GOLGA1: variants seen among roughly 807,000 people sequenced by gnomAD.
The protein encoded by GOLGA1 is golgin subfamily A member 1.
GOLGA1 carries 63 observed loss-of-function variants against 119.7 expected under a neutral mutation model. That is an observed-to-expected ratio of 0.53 (90% CI 0.43 to 0.65). The LOEUF is 0.65. GOLGA1 is among the 30% of genes least tolerant of loss of function. The pLI is 0.00. For missense variants in GOLGA1, 798 were observed against 912.8 expected (o/e 0.87, Z 1.62); for synonymous variants, 318 against 333.4 (o/e 0.95, Z 0.50).
chr9:124,944,041 T>A (rs1280179862), upstream of GOLGA1: 1 of 152,214 alleles, frequency 6.6e-6, no homozygotes, highest in African/African-American at 2.4e-5. Context: ...TTATCTAAGA[T>A]GTTTCTACCT....
chr9:124,939,951 A>C (rs1423970782), intron 2 of GOLGA1, among the ~76,000 whole-genome samples, 155 bp downstream of exon 2: 1 of 152,214 alleles, frequency 6.6e-6, no homozygotes, highest in Non-Finnish European at 1.5e-5. Flanking sequence ...AAACACTAAT[A>C]TTCTGGTTCC....
intron 13 of GOLGA1, 116 bp from the exon 14 acceptor site, chr9:124,899,594 C>T: frequency 9.4e-7 from 1 of 1,064,554 alleles, no homozygotes; most frequent in Non-Finnish European, 1.4e-6. Flanking sequence ...CTCCTGACCC[C>T]ATCCCCCCTG....
intron 12 of GOLGA1, among the ~76,000 whole-genome samples, chr9:124,905,941 C>T (rs1170701389): frequency 2.0e-5 from 3 of 150,572 alleles, no homozygotes; most frequent in African/African-American, 4.9e-5. Flanking sequence ...GACAAAACCC[C>T]GTCTCTGCTA....
In GOLGA1 at chr9:124,941,019, T is replaced by C. The variant is rs2131552413; in HGVS notation, c.-254A>G. 6.6e-6 allele frequency: 1 copy of C among 152,504 alleles called. No individual in the cohort carries two copies. Among genetic ancestry groups the C allele is most frequent in the South Asian group, 2.1e-4 (1 of 4,834 alleles). The allele number at this position is 152,504 out of a possible 1,614,324, so 9.4% of individuals were successfully genotyped here. ...AAAGCCCCGCCTCCCGGGCCTCTCG[T>C]GAGCCCCGGCCCGCGTCACCAACCC... On this transcript the variant is annotated 5_prime_UTR_variant, in exon 1 of 23. Transcript: ENST00000373555.
At chr9:124,933,022 G>A (rs1279021668) in intron 3 of GOLGA1, among the ~76,000 whole-genome samples, 1 of 152,032 alleles carries the variant, frequency 6.6e-6, no homozygotes, top group Non-Finnish European at 1.5e-5. Flanking sequence ...CACACCACTA[G>A]CAGTATAAGA....
intron 12 of GOLGA1, among the ~76,000 whole-genome samples, chr9:124,903,892 G>C (rs1487726267): frequency 6.6e-6 from 1 of 151,680 alleles, no homozygotes; most frequent in African/African-American, 2.4e-5. Flanking sequence ...CTACTAAAAT[G>C]CAAAAAATTA....
rs777719379 is a variant in GOLGA1 at position 124,889,444 on chromosome 9, C to G, written c.1590G>C (p.Gln530His). The change falls in exon 17 of 23, where the codon CAG becomes CAC. Residue 530 changes from glutamine to histidine, a missense_variant. By Grantham distance (24) the Gln-to-His change is conservative (BLOSUM62 0). Coordinates refer to ENST00000373555, the MANE Select transcript of GOLGA1 (RefSeq NM_002077.4). ...VLLQKEQEIL[Q>H]LERGHNSALL... Reference sequence around the variant, plus strand: ...GGACCGACTCCTCACCTCGCTCCAGCTGGAGAATCTCCTGCTCTTTCTGGA... The same window carrying G: ...GGACCGACTCCTCACCTCGCTCCAGGTGGAGAATCTCCTGCTCTTTCTGGA... 6.2e-7 allele frequency: 1 copy of G among 1,612,662 alleles called. No individual in the cohort carries two copies. Among genetic ancestry groups the G allele is most frequent in the Non-Finnish European group, 8.5e-7 (1 of 1,178,570 alleles).
chr9:124,941,296 G>C (rs1374797604), upstream of GOLGA1, among the ~76,000 whole-genome samples: 1 of 152,272 alleles, frequency 6.6e-6, no homozygotes, highest in Non-Finnish European at 1.5e-5. Flanking sequence ...GATGATGACT[G>C]AGTCTCCGAG....
intron 15 of GOLGA1, among the ~76,000 whole-genome samples, chr9:124,893,104 A>G (rs985264771): frequency 6.6e-6 from 1 of 152,098 alleles, no homozygotes; most frequent in Non-Finnish European, 1.5e-5. Context: ...GGCTCAAGAG[A>G]GCGTCCTGCC....
At chr9:124,936,617 A>G (rs1270935013) in intron 3 of GOLGA1, among the ~76,000 whole-genome samples, 2 of 151,980 alleles carry the variant, frequency 1.3e-5, no homozygotes, top group Non-Finnish European at 2.9e-5. Context: ...ATTAAAAAAA[A>G]AAAAAAAAAC....
intron 10 of GOLGA1, among the ~76,000 whole-genome samples, chr9:124,917,272 G>A (rs568567199): frequency 6.6e-6 from 1 of 152,226 alleles, no homozygotes; most frequent in Admixed American, 6.5e-5. Flanking sequence ...CTTAACCTGA[G>A]GGATAGCTCA....
chr9:124,907,817 A>C (rs1309345395), intron 12 of GOLGA1, among the ~76,000 whole-genome samples: 5 of 152,240 alleles, frequency 3.3e-5, no homozygotes, highest in Admixed American at 2.6e-4. Context: ...TGGAAAAGTC[A>C]GAAAGGCATA....
chr9:124,886,364 T>C (rs1314826151), intron 19 of GOLGA1, among the ~76,000 whole-genome samples: 1 of 151,996 alleles, frequency 6.6e-6, no homozygotes, highest in Non-Finnish European at 1.5e-5. Flanking sequence ...AGGCCATGGA[T>C]GGGAGCTTCA....
chr9:124,881,885 G>T lies in GOLGA1; in HGVS notation c.2035C>A (p.Pro679Thr). The change falls in exon 21 of 23, where the codon CCT (proline) becomes ACT (threonine). Residue 679 changes from proline to threonine, a missense_variant. Pro to Thr is a conservative substitution (Grantham distance 38, BLOSUM62 -1). Transcript: ENST00000373555. This position sits in a 1 kb window ranked among gnomAD's most constrained non-coding sequence, Gnocchi z 4.9. ...AGGTCAGTGTTATTCGTGACGGAAGGCGCCATGTTTGCCATCTCAGGTCCA... is the reference window on the plus strand; with the variant it reads ...AGGTCAGTGTTATTCGTGACGGAAGTCGCCATGTTTGCCATCTCAGGTCCA... Reference protein sequence around the residue: ...KPGPEMANMAPSVTNNTDLTD... With the variant: ...KPGPEMANMATSVTNNTDLTD... 6.2e-7 allele frequency: 1 copy of T among 1,612,298 alleles called. No individual in the cohort carries two copies. Among genetic ancestry groups the T allele is most frequent in the Non-Finnish European group, 8.5e-7 (1 of 1,178,532 alleles).
intron 6 of GOLGA1, among the ~76,000 whole-genome samples, chr9:124,927,170 G>C (rs1830689995): frequency 6.6e-6 from 1 of 152,020 alleles, no homozygotes; most frequent in Non-Finnish European, 1.5e-5. Context: ...GGGGGAGTAG[G>C]GGGGATCTTT....
In GOLGA1 at chr9:124,881,269, T is replaced by G. The variant is rs1564317781; in HGVS notation, c.2137-12A>C. The G allele has an allele frequency of 1.3e-6, 2 of 1,540,726 alleles. No homozygotes were observed. On this transcript the variant is annotated splice_polypyrimidine_tract_variant and intron_variant, in intron 21 of 22. Coordinates refer to ENST00000373555, the MANE Select transcript of GOLGA1 (RefSeq NM_002077.4). This position sits in a 1 kb window ranked among gnomAD's most constrained non-coding sequence, Gnocchi z 4.9. ...ATAAGATGAAAAGCCTGAAACACAGTAAGTTTTGCTGCCATAGGCCTTGGT... is the reference window on the plus strand; with the variant it reads ...ATAAGATGAAAAGCCTGAAACACAGGAAGTTTTGCTGCCATAGGCCTTGGT...
At chr9:124,902,813 AG>A (rs1830139443) in intron 12 of GOLGA1, among the ~76,000 whole-genome samples, 1 of 152,192 alleles carries the variant, frequency 6.6e-6, no homozygotes, top group South Asian at 2.1e-4. Flanking sequence ...TTTAAGGCCT[AG>A]GCTCCTCACA....
chr9:124,878,430 C>T lies in GOLGA1; in HGVS notation c.*2100G>A, dbSNP rs1370879000. ...TGCACCACAGATGAATTTGCTACAG[C>T]AGTTTTCAAGAATACAATCCCTATT... On this transcript the variant is annotated 3_prime_UTR_variant, in exon 23 of 23. Coordinates refer to ENST00000373555, the MANE Select transcript of GOLGA1 (RefSeq NM_002077.4). The T allele has an allele frequency of 6.6e-6, 1 of 152,578 alleles. No homozygotes were observed. Among genetic ancestry groups the T allele is most frequent in the Admixed American group, 6.6e-5 (1 of 15,264 alleles). The allele number at this position is 152,578 out of a possible 1,614,324, so 9.5% of individuals were successfully genotyped here.
At chr9:124,908,671 C>G (rs937238772) in intron 11 of GOLGA1, among the ~76,000 whole-genome samples, 199 bp from the exon 12 acceptor site, 3 of 152,212 alleles carry the variant, frequency 2.0e-5, no homozygotes, top group African/African-American at 7.2e-5. Context: ...GACCTTGAGG[C>G]TGGAACAAAA....
Sources: allele counts gnomAD v4.1 joint callset (sites outside exome capture counted in the v4.1 genomes callset), GRCh38; gene constraint gnomAD v4.1.1; non-coding constraint Gnocchi (gnomAD v3.1); transcripts MANE v1.5; gene names NCBI Gene and HGNC (gene_info 2026-07-23, HGNC 2026-07-21).